The following FBN3 variants were observed in gnomAD, a reference collection of about 807,000 sequenced individuals.
FBN3 encodes the protein fibrillin-3.
A neutral mutation model predicts 330.1 loss-of-function variants in FBN3; 234 were observed. The ratio of observed to expected loss-of-function variants is 0.71; its 90% CI spans 0.64 to 0.79. The LOEUF is 0.79. FBN3 is among the 30% of genes least tolerant of loss of function. The pLI is 0.00. For missense variants in FBN3, 3,606 were observed against 3,886.9 expected (o/e 0.93, Z 1.92); for synonymous variants, 1,458 against 1,517.3 (o/e 0.96, Z 0.91).
intron 30 of FBN3, among the ~76,000 whole-genome samples, chr19:8,113,158 G>T (rs954630043): frequency 1.3e-5 from 2 of 152,246 alleles, no homozygotes; most frequent in African/African-American, 4.8e-5. Flanking sequence ...AGATGCAATG[G>T]CTTACACCTG....
At chr19:8,079,712 T>C (rs922125021) in intron 59 of FBN3, among the ~76,000 whole-genome samples, 2 of 152,148 alleles carry the variant, frequency 1.3e-5, no homozygotes, top group Non-Finnish European at 2.9e-5. Context: ...TGCCTCAGCC[T>C]CCCAAGTAGT....
chr19:8,077,651 C>T (rs895022300), intron 59 of FBN3, among the ~76,000 whole-genome samples: 3 of 151,758 alleles, frequency 2.0e-5, no homozygotes, highest in Non-Finnish European at 2.9e-5. Context: ...AAAACAAAAA[C>T]GAGCAAACAA....
intron 13 of FBN3, among the ~76,000 whole-genome samples, chr19:8,133,669 G>C (rs4804272): frequency 0.13 from 19,759 of 151,848 alleles, 1,404 homozygotes; most frequent in South Asian, 0.15. Flanking sequence ...GGCCAGGCTA[G>C]TCTTGAACTC....
intron 25 of FBN3, among the ~76,000 whole-genome samples, chr19:8,120,167 T>TTC (rs1488566911): frequency 5.6e-5 from 8 of 143,052 alleles, no homozygotes; most frequent in African/African-American, 2.0e-4. Context: ...CTTTCTTTCT[T>TTC]TTTTTTTTTT....
chr19:8,135,936 G>GGGGGGGGGGGCGCCCCCCCCCC, intron 13 of FBN3, 25 bp downstream of exon 13: 1 of 668,776 alleles, frequency 1.5e-6, no homozygotes, highest in Non-Finnish European at 2.4e-6. Flanking sequence ...GGAAGCCCCT[G>GGGGGGGGGGGCGCCCCCCCCCC]CCCACCCGCC....
At position 8,103,584 on chromosome 19, in the gene FBN3, G is replaced by T; in HGVS notation, c.4917C>A (p.Val1639=). Residue 1639 remains valine (V), a synonymous_variant, in exon 39 of 64, where the codon GTC becomes GTA. Coordinates refer to ENST00000600128, the MANE Select transcript of FBN3 (RefSeq NM_032447.5). ...TACCCATGCAGTTGTTGCCACCATTGACTTGGAGGTACTCTGCAGGGCAGA... is the reference window on the plus strand; with the variant it reads ...TACCCATGCAGTTGTTGCCACCATTTACTTGGAGGTACTCTGCAGGGCAGA... ...TCVCPAEYLQ[V]NGGNNCMDMR... is the part of the protein sequence containing the mutation. The T allele has an allele frequency of 6.2e-7, 1 of 1,613,592 alleles. No individual in the cohort carries two copies. The highest frequency in any genetic ancestry group is 1.1e-5 in the South Asian group (1 of 91,016).
rs1273706112 is a variant in FBN3, at chr19:8,102,885, A to G, written c.4940-12T>C. On this transcript the variant is annotated splice_polypyrimidine_tract_variant and intron_variant, in intron 39 of 63. Transcript: ENST00000600128. Reference sequence around the variant, plus strand: ...ACTCTTCCTCATATCTGTAGTTGGCACAAAGGAGAAGAATGTGGGTAAGGG... The same window carrying G: ...ACTCTTCCTCATATCTGTAGTTGGCGCAAAGGAGAAGAATGTGGGTAAGGG... 1.2e-6 allele frequency: 2 copies of G among 1,613,756 alleles called. No individual in the cohort carries two copies. The highest frequency in any genetic ancestry group is 2.7e-5 in the African/African-American group (2 of 74,930).
chr19:8,070,687 C>A (rs893859761), intron 63 of FBN3, among the ~76,000 whole-genome samples: 4 of 152,200 alleles, frequency 2.6e-5, no homozygotes, highest in African/African-American at 9.6e-5. Context: ...TGTGCCCTAA[C>A]CTCTCAGAGC....
Position 8,131,486 on chromosome 19 carries a change from C to A in FBN3, c.1990+68G>T, listed in dbSNP as rs572048792. 1 of 1,546,036 alleles carries A rather than the reference C, an allele frequency of 6.5e-7. No individual in the cohort carries two copies. Among genetic ancestry groups the A allele is most frequent in the Non-Finnish European group, 8.8e-7 (1 of 1,140,162 alleles). The stretch of plus-strand genomic sequence containing the variant: ...CTCCATGGCAGCCATGACCCCCCAC[C>A]AGAAGCGAGAACCGATGGAGGCATT... On this transcript the variant is annotated intron_variant, in intron 15 of 63. Coordinates refer to ENST00000600128, the MANE Select transcript of FBN3 (RefSeq NM_032447.5). This position sits in a 1 kb window ranked among gnomAD's most constrained non-coding sequence, Gnocchi z 4.5.
At chr19:8,098,202 A>C (rs1394209357) in intron 41 of FBN3, among the ~76,000 whole-genome samples, 1 of 152,198 alleles carries the variant, frequency 6.6e-6, no homozygotes, top group Admixed American at 6.5e-5. Context: ...AGGGGACTGG[A>C]AACAACCTAA....
intron 13 of FBN3, 25 bp downstream of exon 13, chr19:8,135,936 G>GGGGGGGGGGGGGGGGGGGGCGC: frequency 4.5e-6 from 3 of 668,778 alleles, no homozygotes; most frequent in Non-Finnish European, 2.4e-6. Context: ...GGAAGCCCCT[G>GGGGGGGGGGGGGGGGGGGGCGC]CCCACCCGCC....
chr19:8,126,523 C>T lies in FBN3; in HGVS notation c.2499G>A (p.Glu833=). The T allele has an allele frequency of 6.2e-7, 1 of 1,613,266 alleles. No homozygotes were observed. Among genetic ancestry groups the T allele is most frequent in the Non-Finnish European group, 8.5e-7 (1 of 1,179,868 alleles). The change falls in exon 20 of 64, where the codon GAG becomes GAA. Residue 833 remains glutamate, a synonymous_variant. Coordinates refer to ENST00000600128, the MANE Select transcript of FBN3 (RefSeq NM_032447.5). The part of the protein sequence containing the change: ...VNLQGASLRS[E]CCATLGAAWG... ...AGGCTGCCCCGAGGGTGGCGCAGCA[C>T]TCAGACCGCAGGCTGGCTCCCTGAA...
At chr19:8,071,143 T>A (rs17261689) in intron 63 of FBN3, among the ~76,000 whole-genome samples, 1 of 152,060 alleles carries the variant, frequency 6.6e-6, no homozygotes, top group Non-Finnish European at 1.5e-5. Flanking sequence ...AATACATTTT[T>A]GGCTTTCAGA....
At chr19:8,130,340 TAA>T (rs137977549) in intron 16 of FBN3, among the ~76,000 whole-genome samples, 17 of 133,464 alleles carry the variant, frequency 1.3e-4, no homozygotes, top group Admixed American at 3.1e-4. Flanking sequence ...TCATCTCTAC[TAA>T]AAAAAAAAAA....
intron 6 of FBN3, among the ~76,000 whole-genome samples, chr19:8,144,628 C>T (rs115699689): frequency 6.6e-6 from 1 of 151,736 alleles, no homozygotes; most frequent in African/African-American, 2.4e-5. Flanking sequence ...CTTCTCCCTG[C>T]CCCTCAGACT....
At position 8,108,185 on chromosome 19, in the gene FBN3, T is replaced by C; in HGVS notation, c.4672A>G (p.Thr1558Ala). Residue 1558 changes from threonine (T) to alanine (A), a missense_variant, in exon 37 of 64, where the codon ACT (threonine) becomes GCT (alanine). Coordinates refer to ENST00000600128, the MANE Select transcript of FBN3 (RefSeq NM_032447.5). The stretch of plus-strand genomic sequence containing the variant: ...AGGAACTCACCTTCCAGAATGACAG[T>C]GATGCGGTTAGGCTGGAAGCCCTCA... The part of the protein sequence containing the change: ...GGEGFQPNRI[T>A]VILEDIDECQ... 6.2e-7 allele frequency: 1 copy of C among 1,612,448 alleles called. No individual in the cohort carries two copies. Among genetic ancestry groups the C allele is most frequent in the Non-Finnish European group, 8.5e-7 (1 of 1,179,500 alleles).
rs180977419 is a variant in FBN3, at chr19:8,124,436, C to G, written c.2732-428G>C. Among the ~76,000 whole-genome samples the G allele has an allele frequency of 2.5e-3, 379 of 151,204 alleles. 2 individuals carry two copies. The highest frequency in any genetic ancestry group is 8.7e-3 in the African/African-American group (357 of 41,152). ...CTTTTGTTATTTTTTAGTAGAGACT[C>G]GGTTTCACCACGTTGGCCAGGCTGA... On this transcript the variant is annotated intron_variant, in intron 22 of 63. Coordinates refer to ENST00000600128, the MANE Select transcript of FBN3 (RefSeq NM_032447.5).
intron 6 of FBN3, among the ~76,000 whole-genome samples, chr19:8,143,989 A>G (rs1018594000): frequency 6.6e-6 from 1 of 151,430 alleles, no homozygotes; most frequent in Non-Finnish European, 1.5e-5. Context: ...TACTTTTTTT[A>G]GAGAGGGGGG....
chr19:8,101,754 T>C (rs12611329), intron 40 of FBN3, among the ~76,000 whole-genome samples: 107,257 of 151,194 alleles, frequency 0.71, 41,452 homozygotes, highest in Non-Finnish European at 0.87. Flanking sequence ...CCCCTCCCAC[T>C]TTATCCCAGC....
Sources: gnomAD v4.1 joint callset for allele counts (sites outside exome capture counted in the v4.1 genomes callset) on GRCh38, gnomAD v4.1.1 for gene constraint, Gnocchi (gnomAD v3.1) non-coding constraint, MANE v1.5 for transcripts, NCBI Gene and HGNC (gene_info 2026-07-23, HGNC 2026-07-21) for gene names.